The following CCR9 variants were observed in gnomAD, a reference collection of about 807,000 sequenced individuals.
CCR9 encodes the protein C-C chemokine receptor type 9.
A neutral mutation model predicts 8.7 loss-of-function variants in CCR9; 4 were observed. The ratio of observed to expected loss-of-function variants is 0.46; its 90% CI spans 0.23 to 1.06. CCR9 has a LOEUF of 1.06. CCR9 is among the 50% of genes least tolerant of loss of function. The probability of loss-of-function intolerance (pLI) is 0.21; values close to 1 mark genes in which losing one functional copy is unlikely to be tolerated. For synonymous variants in CCR9, 159 were observed against 168.8 expected, an observed-to-expected ratio of 0.94 and a Z score of 0.45; for missense variants, 394 against 453.6, an observed-to-expected ratio of 0.87 and a Z score of 1.19.
chr3:45,895,311 C>T (rs1702317555), intron 2 of CCR9, among the ~76,000 whole-genome samples: 1 of 152,208 alleles, frequency 6.6e-6, no homozygotes, highest in Non-Finnish European at 1.5e-5. Flanking sequence ...TTTTAAAAAA[C>T]CCATGGTGGG....
intron 1 of CCR9, among the ~76,000 whole-genome samples, chr3:45,891,773 G>A (rs1487329919): frequency 2.6e-5 from 4 of 152,090 alleles, no homozygotes; most frequent in Non-Finnish European, 5.9e-5. Flanking sequence ...CCTTCAACCT[G>A]AGATGGTTTC....
intron 2 of CCR9, chr3:45,897,573 C>G: frequency 6.5e-7 from 1 of 1,535,596 alleles, no homozygotes; most frequent in Non-Finnish European, 8.7e-7. Context: ...TCCTCCAGGC[C>G]CCGCTCCAGA....
At chr3:45,889,438 G>C (rs761359154) in intron 1 of CCR9, among the ~76,000 whole-genome samples, 9 of 152,102 alleles carry the variant, frequency 5.9e-5, no homozygotes, top group Non-Finnish European at 1.2e-4. Flanking sequence ...TCCTCCTCTA[G>C]ATGAGTTTTG....
intron 1 of CCR9, among the ~76,000 whole-genome samples, chr3:45,891,145 C>T (rs973382844): frequency 6.6e-6 from 1 of 152,188 alleles, no homozygotes; most frequent in African/African-American, 2.4e-5. Flanking sequence ...GTTTTCCTGG[C>T]CCCCAGAGGG....
chr3:45,901,208 C>T lies in CCR9; in HGVS notation c.420C>T (p.Ile140=), dbSNP rs200806590. 1.9e-6 allele frequency: 3 copies of T among 1,614,196 alleles called. No homozygotes were observed. The highest frequency in any genetic ancestry group is 2.2e-5 in the East Asian group (1 of 44,892). The change falls in exon 3 of 3, where the codon ATC becomes ATT. Residue 140 remains isoleucine (I), a synonymous_variant. Coordinates refer to ENST00000357632, the MANE Select transcript of CCR9 (RefSeq NM_031200.3). The surrounding 1 kb of genome is among the most constrained non-coding windows in gnomAD (Gnocchi z 4.3). ...FYSCVLLIMC[I]SVDRYIAIAQ... ...GCTGTGTGTTGCTGATCATGTGCAT[C>T]AGCGTGGACAGGTACATTGCCATTG...
intron 2 of CCR9, among the ~76,000 whole-genome samples, chr3:45,898,056 C>T (rs2125756295): frequency 6.6e-6 from 1 of 151,618 alleles, no homozygotes; most frequent in South Asian, 2.1e-4. Flanking sequence ...GCAAGTTTAG[C>T]ACTTATTCAT....
Position 45,901,774 on chromosome 3 carries a change from T to C in CCR9, c.986T>C (p.Val329Ala). 1 of 1,614,190 alleles carries C rather than the reference T, an allele frequency of 6.2e-7. No individual in the cohort carries two copies. Among genetic ancestry groups the C allele is most frequent in the Non-Finnish European group, 8.5e-7 (1 of 1,180,028 alleles). The change falls in exon 3 of 3, where the codon GTG becomes GCG. Residue 329 changes from valine to alanine, a missense_variant. Val to Ala is a moderately conservative substitution (Grantham distance 64, BLOSUM62 0). Transcript: ENST00000357632. The surrounding 1 kb of genome is among the most constrained non-coding windows in gnomAD (Gnocchi z 4.3). ...FVGERFRRDLVKTLKNLGCIS... is the reference protein window; with the variant it reads ...FVGERFRRDLAKTLKNLGCIS... ...GGTGAGAGATTCCGCCGGGATCTCG[T>C]GAAAACCCTGAAGAACTTGGGTTGC... is the stretch of plus-strand genomic sequence containing the variant.
At chr3:45,891,617 C>T (rs1050293040) in intron 1 of CCR9, among the ~76,000 whole-genome samples, 2 of 152,084 alleles carry the variant, frequency 1.3e-5, no homozygotes, top group Admixed American at 6.6e-5. Context: ...AAATTTAATC[C>T]GGATGCAGCA....
At chr3:45,894,693 A>T (rs1702294799) in intron 1 of CCR9, among the ~76,000 whole-genome samples, 1 of 152,204 alleles carries the variant, frequency 6.6e-6, no homozygotes, top group African/African-American at 2.4e-5. Flanking sequence ...CAAAGAAGTG[A>T]ATGATAACTT....
At position 45,886,670 on chromosome 3, in the gene CCR9, T is replaced by C. The variant is rs1291059240; in HGVS notation, c.-29+15T>C. 2 of 152,426 alleles carry C rather than the reference T, an allele frequency of 1.3e-5. No homozygotes were observed. Among genetic ancestry groups the C allele is most frequent in the Non-Finnish European group, 2.9e-5 (2 of 68,256 alleles). 9.4% of individuals were successfully genotyped at this position (152,426 alleles called of 1,614,324 possible). On this transcript the variant is annotated intron_variant, in intron 1 of 2. Coordinates refer to ENST00000357632, the MANE Select transcript of CCR9 (RefSeq NM_031200.3). Reference sequence around the variant, plus strand: ...CGCCCTCCACAGTGAGTATTGCTCTTCTTCTTGTTGCCCCCAACCCAGTGT... The same window carrying C: ...CGCCCTCCACAGTGAGTATTGCTCTCCTTCTTGTTGCCCCCAACCCAGTGT...
intron 1 of CCR9, among the ~76,000 whole-genome samples, chr3:45,893,157 CTTT>C (rs57214739): frequency 6.9e-6 from 1 of 145,380 alleles, no homozygotes; most frequent in African/African-American, 2.5e-5. Context: ...CTCTCTCTCT[CTTT>C]TTTTTTTTGT....
chr3:45,890,650 G>A (rs1306949341), intron 1 of CCR9, among the ~76,000 whole-genome samples: 3 of 151,920 alleles, frequency 2.0e-5, no homozygotes, highest in African/African-American at 4.8e-5. Context: ...TGTCAGAACC[G>A]TTCAGAAATA....
Position 45,902,057 on chromosome 3 carries a change from A to T in CCR9, c.*159A>T. Reference sequence around the variant, plus strand: ...CTTGTAGTCAGAATTTGCCAAAGCAAATATTTCAAAATCAACTGACTAGTG... The same window carrying T: ...CTTGTAGTCAGAATTTGCCAAAGCATATATTTCAAAATCAACTGACTAGTG... On this transcript the variant is annotated 3_prime_UTR_variant, in exon 3 of 3. Transcript: ENST00000357632. The T allele has an allele frequency of 1.5e-6, 1 of 655,736 alleles. No homozygotes were observed. The highest frequency in any genetic ancestry group is 2.6e-6 in the Non-Finnish European group (1 of 388,410). The allele number at this position is 655,736 out of a possible 1,614,324, so 40.6% of individuals were successfully genotyped here.
chr3:45,897,588 C>T (rs1702398089), intron 2 of CCR9: 2 of 1,535,770 alleles, frequency 1.3e-6, no homozygotes, highest in Non-Finnish European at 1.7e-6. Flanking sequence ...TCCAGATCAC[C>T]TTCCCTCGCT....
chr3:45,897,591 C>T, intron 2 of CCR9: 1 of 1,535,812 alleles, frequency 6.5e-7, no homozygotes, highest in Non-Finnish European at 8.7e-7. Flanking sequence ...AGATCACCTT[C>T]CCTCGCTGGC....
At position 45,901,922 on chromosome 3, in the gene CCR9, T is replaced by C. The variant is rs751578363; in HGVS notation, c.*24T>C. ...GAGGGGTCTTCTCTGAGGTGCATGG[T>C]TCTTTTGGAAGAAATGAGAAATACA... is the stretch of plus-strand genomic sequence containing the variant. On this transcript the variant is annotated 3_prime_UTR_variant, in exon 3 of 3. Transcript: ENST00000357632. This position sits in a 1 kb window ranked among gnomAD's most constrained non-coding sequence, Gnocchi z 4.3. 36 of 1,531,530 alleles carry C rather than the reference T, an allele frequency of 2.4e-5. No homozygotes were observed. Among genetic ancestry groups the C allele is most frequent in the Non-Finnish European group, 3.2e-5 (36 of 1,138,700 alleles). The allele number at this position is 1,531,530 out of a possible 1,614,324, so 94.9% of individuals were successfully genotyped here.
At chr3:45,899,590 G>T (rs1702478067) in intron 2 of CCR9, among the ~76,000 whole-genome samples, 1 of 152,220 alleles carries the variant, frequency 6.6e-6, no homozygotes, top group African/African-American at 2.4e-5. Flanking sequence ...ATGAGATTTG[G>T]CAAGGAATGT....
intron 2 of CCR9, among the ~76,000 whole-genome samples, chr3:45,897,975 C>CAAAAAAAAAAAA (rs72284250): frequency 9.4e-6 from 1 of 105,990 alleles, no homozygotes. Flanking sequence ...GCTATTTGAC[C>CAAAAAAAAAAAA]AAAAAAAAAA....
chr3:45,886,099 G>A (rs548104765), upstream of CCR9, among the ~76,000 whole-genome samples: 1 of 152,284 alleles, frequency 6.6e-6, no homozygotes, highest in Non-Finnish European at 1.5e-5. Flanking sequence ...CAGCCCTCCG[G>A]GTTCTGGTAC....
Sources: allele counts gnomAD v4.1 joint callset (sites outside exome capture counted in the v4.1 genomes callset), GRCh38; gene constraint gnomAD v4.1.1; non-coding constraint Gnocchi (gnomAD v3.1); transcripts MANE v1.5; gene names NCBI Gene and HGNC (gene_info 2026-07-23, HGNC 2026-07-21).